The following FBN1 variants were observed in gnomAD, a reference collection of about 807,000 sequenced individuals.
FBN1 encodes fibrillin-1.
In FBN1, 29 loss-of-function variants were observed where a neutral mutation model predicts 365.1. That is an observed-to-expected ratio of 0.08 (90% CI 0.06 to 0.11). The LOEUF (loss-of-function observed/expected upper bound fraction) is 0.11. Ranked by LOEUF, FBN1 falls within the 10% of genes least tolerant of loss-of-function variation. FBN1 has a pLI of 1.00. For missense variants in FBN1, 2,476 were observed against 3,703.2 expected (o/e 0.67, Z 8.60); for synonymous variants, 1,210 against 1,270.5 (o/e 0.95, Z 1.01).
At chr15:48,579,525 G>A (rs151045437) in intron 6 of FBN1, among the ~76,000 whole-genome samples, 2 of 152,276 alleles carry the variant, frequency 1.3e-5, no homozygotes, top group African/African-American at 4.8e-5. Context: ...CAACTCCCCA[G>A]AAGCTACCTT....
intron 2 of FBN1, among the ~76,000 whole-genome samples, chr15:48,631,223 CAGA>C (rs953313436): frequency 6.6e-5 from 10 of 151,936 alleles, no homozygotes; most frequent in South Asian, 4.1e-4. Context: ...AAAGAGGACA[CAGA>C]AGAAGAAGAA....
intron 2 of FBN1, among the ~76,000 whole-genome samples, chr15:48,631,615 G>A (rs900116380): frequency 2.0e-5 from 3 of 152,286 alleles, no homozygotes; most frequent in South Asian, 2.1e-4. Context: ...TTTCTTTGGC[G>A]ACAGTGAAGG....
intron 6 of FBN1, among the ~76,000 whole-genome samples, chr15:48,581,860 A>G (rs900329986): frequency 1.3e-5 from 2 of 152,204 alleles, no homozygotes; most frequent in African/African-American, 4.8e-5. Flanking sequence ...GTCTGGGCTG[A>G]CTGAGAAGAC....
intron 32 of FBN1, among the ~76,000 whole-genome samples, chr15:48,477,268 T>C (rs79034823): frequency 0.018 from 2,693 of 152,312 alleles, 54 homozygotes; most frequent in East Asian, 0.081. Flanking sequence ...AATTTACAAC[T>C]TTAGAAAGTG....
chr15:48,536,761 C>T (rs981402382), intron 7 of FBN1, among the ~76,000 whole-genome samples: 2 of 152,194 alleles, frequency 1.3e-5, no homozygotes, highest in Non-Finnish European at 2.9e-5. Flanking sequence ...TGTGACTAAG[C>T]TCAAGTTCTG....
intron 63 of FBN1, among the ~76,000 whole-genome samples, chr15:48,418,388 C>T (rs912513357): frequency 1.3e-5 from 2 of 152,066 alleles, no homozygotes; most frequent in African/African-American, 4.8e-5. Context: ...TACATTTTCT[C>T]CCTTCCCTGA....
At chr15:48,471,288 T>A (rs1161735401) in intron 35 of FBN1, among the ~76,000 whole-genome samples, 3 of 152,114 alleles carry the variant, frequency 2.0e-5, no homozygotes, top group African/African-American at 7.2e-5. Flanking sequence ...CTGTTAACAT[T>A]CTTCGTGTGC....
Position 48,638,369 on chromosome 15 carries a change from T to A in FBN1, c.164+6237A>T, listed in dbSNP as rs553702795. On this transcript the variant is annotated intron_variant, in intron 2 of 65. Transcript: ENST00000316623. ...GTATAAAAGGTATGAAAGAAAAAAA[T>A]TTACCAGCTACAAGATTTATTATAA... Among the ~76,000 whole-genome samples, 3 of 152,196 alleles carry A rather than the reference T, an allele frequency of 2.0e-5. No individual in the cohort carries two copies. In the East Asian group the frequency reaches 5.8e-4, roughly 29 times the overall value.
intron 7 of FBN1, among the ~76,000 whole-genome samples, chr15:48,534,521 C>A (rs1160827273): frequency 6.6e-6 from 1 of 152,104 alleles, no homozygotes; most frequent in Non-Finnish European, 1.5e-5. Flanking sequence ...TATAAAGATA[C>A]GTTTAAAAGG....
intron 60 of FBN1, 151 bp from the exon 61 acceptor site, chr15:48,422,219 G>C (rs2042949571): frequency 4.4e-6 from 3 of 683,634 alleles, no homozygotes; most frequent in East Asian, 2.8e-5. Flanking sequence ...AGAGACACAG[G>C]GGGTAAAGAT....
At chr15:48,504,733 A>G (rs1367152993) in intron 16 of FBN1, among the ~76,000 whole-genome samples, 1 of 152,194 alleles carries the variant, frequency 6.6e-6, no homozygotes, top group Admixed American at 6.5e-5. Context: ...ATCAATTTCA[A>G]TGACCAATAT....
chr15:48,599,048 C>T (rs1471889057), intron 5 of FBN1, among the ~76,000 whole-genome samples: 1 of 152,140 alleles, frequency 6.6e-6, no homozygotes, highest in African/African-American at 2.4e-5. Context: ...ATGAAGCCTC[C>T]CCAGCCATGT....
At chr15:48,600,772 T>C (rs937236891) in intron 4 of FBN1, among the ~76,000 whole-genome samples, 2 of 152,212 alleles carry the variant, frequency 1.3e-5, no homozygotes, top group African/African-American at 4.8e-5. Flanking sequence ...GCTAAATGAC[T>C]TCTTTAATTT....
chr15:48,414,804 G>A (rs916892416), intron 64 of FBN1, among the ~76,000 whole-genome samples: 5 of 151,782 alleles, frequency 3.3e-5, no homozygotes, highest in Non-Finnish European at 5.9e-5. Flanking sequence ...GCTGAGGCAG[G>A]AGAATCGCGT....
intron 3 of FBN1, among the ~76,000 whole-genome samples, chr15:48,611,749 T>C (rs900939149): frequency 6.6e-6 from 1 of 152,140 alleles, no homozygotes; most frequent in Admixed American, 6.5e-5. Context: ...GCTCTGCTAG[T>C]GGTCACAACA....
intron 55 of FBN1, 132 bp from the exon 56 acceptor site, chr15:48,430,934 T>C: frequency 1.2e-6 from 1 of 837,816 alleles, no homozygotes; most frequent in Middle Eastern, 3.3e-4. Flanking sequence ...CTGTATTTCC[T>C]TCTGCTCTGT....
rs1037188465 is a variant in FBN1 at position 48,596,350 on chromosome 15, T to A, written c.471A>T (p.Gly157=). Residue 157 remains glycine (G), a synonymous_variant, in exon 6 of 66, where the codon GGA becomes GGT. Transcript: ENST00000316623. ...ATCGATTTGGGGCCACACACCTTCC[T>A]CCATTGAGACAGCCACTTTCACAAA... The part of the protein sequence containing the change: ...QPVCESGCLN[G]GRCVAPNRCA... The A allele has an allele frequency of 6.2e-7, 1 of 1,613,972 alleles. No homozygotes were observed. The highest frequency in any genetic ancestry group is 8.5e-7 in the Non-Finnish European group (1 of 1,179,882).
intron 6 of FBN1, among the ~76,000 whole-genome samples, chr15:48,544,993 A>C (rs1206718085): frequency 1.3e-5 from 2 of 152,248 alleles, no homozygotes; most frequent in Non-Finnish European, 2.9e-5. Context: ...GTTGGCTCTG[A>C]TTCATTCCCT....
intron 41 of FBN1, among the ~76,000 whole-genome samples, chr15:48,463,554 C>T (rs1358625975): frequency 1.3e-5 from 2 of 152,198 alleles, no homozygotes; most frequent in Non-Finnish European, 1.5e-5. Context: ...TGCCATTTGG[C>T]AATAAGTTTC....
Sources: allele counts gnomAD v4.1 joint callset (sites outside exome capture counted in the v4.1 genomes callset), GRCh38; gene constraint gnomAD v4.1.1; transcripts MANE v1.5; gene names NCBI Gene and HGNC (gene_info 2026-07-23, HGNC 2026-07-21).